Variants in ARHGAP39 observed in about 807,000 individuals in gnomAD.
ARHGAP39 encodes rho GTPase-activating protein 39.
Under a neutral mutation model 106.9 loss-of-function variants are expected in ARHGAP39, and 44 were observed. The observed-to-expected ratio is 0.41, with a 90% confidence interval of 0.32 to 0.53. ARHGAP39 has a LOEUF of 0.53. Among genes scored for constraint, ARHGAP39 ranks in the 20% least tolerant of loss-of-function variants. ARHGAP39 has a pLI of 0.21. For synonymous variants in ARHGAP39, 768 were observed against 693.2 expected, an observed-to-expected ratio of 1.11 and a Z score of -1.69; for missense variants, 1,496 against 1,577.3, an observed-to-expected ratio of 0.95 and a Z score of 0.87.
At chr8:144,592,454 C>T (rs529204249) in intron 2 of ARHGAP39, among the ~76,000 whole-genome samples, 106 of 121,252 alleles carry the variant, frequency 8.7e-4, no homozygotes, top group African/African-American at 3.1e-3. Context: ...CCCAGACCCT[C>T]GGGAAACCTG....
Position 144,585,332 on chromosome 8 carries a change from G to C in ARHGAP39, c.81-4055C>G, listed in dbSNP as rs951697957. The stretch of plus-strand genomic sequence containing the variant: ...CAGAGAACCTGAGGGGCCAGCCAGG[G>C]GTTCCCAGCACCAGCTCACCGAGAA... On this transcript the variant is annotated intron_variant, in intron 2 of 11. Coordinates refer to ENST00000377307, the MANE Select transcript of ARHGAP39 (RefSeq NM_025251.3). This position sits in a 1 kb window ranked among gnomAD's most constrained non-coding sequence, Gnocchi z 4.6. 6.6e-6 allele frequency among the ~76,000 whole-genome samples: 1 copy of C among 151,414 alleles called. No homozygotes were observed. Among genetic ancestry groups the C allele is most frequent in the Non-Finnish European group, 1.5e-5 (1 of 67,846 alleles).
intron 1 of ARHGAP39, among the ~76,000 whole-genome samples, chr8:144,608,340 C>T (rs1477064190): frequency 6.6e-6 from 1 of 152,126 alleles, no homozygotes; most frequent in Non-Finnish European, 1.5e-5. Context: ...CTGAGAGCCA[C>T]CTTGACCAAC....
rs969801640 is a variant in ARHGAP39, at chr8:144,679,987, A to G, written c.-82+5699T>C. Among the ~76,000 whole-genome samples the G allele has an allele frequency of 6.6e-6, 1 of 152,224 alleles. No individual in the cohort carries two copies. The highest frequency in any genetic ancestry group is 1.5e-5 in the Non-Finnish European group (1 of 68,042). Reference sequence around the variant, plus strand: ...AGAGCAAGACTCCATCTCAAAAACAAAAAGAAAATTAAAATCTAAAGCCTT... The same window carrying G: ...AGAGCAAGACTCCATCTCAAAAACAGAAAGAAAATTAAAATCTAAAGCCTT... On this transcript the variant is annotated intron_variant, in intron 1 of 11. Transcript: ENST00000377307. This position sits in a 1 kb window ranked among gnomAD's most constrained non-coding sequence, Gnocchi z 4.7.
At position 144,552,168 on chromosome 8, in the gene ARHGAP39, TCAGG is replaced by T. The variant is rs574491921; in HGVS notation, c.596+3388_596+3391del. ...GTCGTGGCCTCTGAAAATGCTGAAGTCAGGCAGGCAGGGCAGATTTGGTGACAGA... is the reference window on the plus strand; with the variant it reads ...GTCGTGGCCTCTGAAAATGCTGAAGTCAGGCAGGGCAGATTTGGTGACAGA... On this transcript the variant is annotated intron_variant, in intron 4 of 11. Transcript: ENST00000377307. Among the ~76,000 whole-genome samples, 52 of 152,324 alleles carry T rather than the reference TCAGG, an allele frequency of 3.4e-4. 2 individuals carry two copies. In the South Asian group the frequency reaches 0.011, roughly 32 times the overall value.
chr8:144,544,445 A>G (rs559438087), intron 6 of ARHGAP39, among the ~76,000 whole-genome samples: 1 of 152,362 alleles, frequency 6.6e-6, no homozygotes, highest in East Asian at 1.9e-4. Context: ...AGAACAGTCT[A>G]TGGCATGTCT....
chr8:144,543,324 C>A (rs918501404), intron 6 of ARHGAP39, among the ~76,000 whole-genome samples: 1 of 152,136 alleles, frequency 6.6e-6, no homozygotes, highest in Admixed American at 6.5e-5. Context: ...AGGGACACCT[C>A]CTAGGCACAG....
chr8:144,607,235 C>CAAA (rs1167793437), intron 1 of ARHGAP39, among the ~76,000 whole-genome samples: 59 of 50,456 alleles, frequency 1.2e-3, no homozygotes, highest in Middle Eastern at 8.6e-3. Flanking sequence ...GACATTGTCT[C>CAAA]AAAAAAAAAA....
chr8:144,607,668 G>A lies in ARHGAP39; in HGVS notation c.-81-1973C>T, dbSNP rs144310335. Among the ~76,000 whole-genome samples the A allele has an allele frequency of 7.5e-3, 1,136 of 152,304 alleles. 21 individuals are homozygous for A. Among genetic ancestry groups the A allele is most frequent in the Admixed American group, 0.041 (623 of 15,298 alleles). The stretch of plus-strand genomic sequence containing the variant: ...CCCAGAAGAGAGCACAGCAGGTGAC[G>A]GGAAGGGACACTGCAGGCCAATTGG... On this transcript the variant is annotated intron_variant, in intron 1 of 11. Transcript: ENST00000377307.
chr8:144,672,550 G>C (rs1318834864), intron 1 of ARHGAP39, among the ~76,000 whole-genome samples: 2 of 152,196 alleles, frequency 1.3e-5, no homozygotes, highest in Non-Finnish European at 2.9e-5. Flanking sequence ...CAGCACCCTG[G>C]CTGCCAGGAG....
At chr8:144,597,399 C>T (rs375754769) in intron 2 of ARHGAP39, among the ~76,000 whole-genome samples, 3 of 152,098 alleles carry the variant, frequency 2.0e-5, no homozygotes, top group South Asian at 2.1e-4. Flanking sequence ...GGAGGGAGGG[C>T]GGAGGCATCT....
At chr8:144,617,801 AG>A (rs1360825878) in intron 1 of ARHGAP39, among the ~76,000 whole-genome samples, 1 of 151,942 alleles carries the variant, frequency 6.6e-6, no homozygotes, top group Admixed American at 6.6e-5. Flanking sequence ...GCCTTTTTTG[AG>A]GCAGGGTCTT....
chr8:144,584,632 G>A (rs187162118), intron 2 of ARHGAP39, among the ~76,000 whole-genome samples: 5 of 152,238 alleles, frequency 3.3e-5, no homozygotes, highest in East Asian at 3.9e-4. Flanking sequence ...GTGTGGTGGC[G>A]TGCACCTGTA....
At chr8:144,543,904 T>C (rs1218721739) in intron 6 of ARHGAP39, 2 of 152,262 alleles carry the variant, frequency 1.3e-5, no homozygotes, top group South Asian at 2.1e-4. Context: ...GTGGGCTGCA[T>C]GCTGTGCTGA....
chr8:144,605,734 C>A, intron 1 of ARHGAP39, 39 bp from the exon 2 acceptor site: 1 of 924,684 alleles, frequency 1.1e-6, no homozygotes. Context: ...ATATGGAAGA[C>A]GCCTCACCAC....
intron 3 of ARHGAP39, among the ~76,000 whole-genome samples, chr8:144,573,761 G>A (rs1258749775): frequency 1.3e-5 from 2 of 152,028 alleles, no homozygotes; most frequent in Admixed American, 1.3e-4. Context: ...CACAAAGCAA[G>A]TCTCAAAAAA....
Position 144,547,971 on chromosome 8 carries a change from A to G in ARHGAP39, c.1115T>C (p.Val372Ala). Residue 372 changes from valine (V) to alanine (A), a missense_variant, in exon 5 of 12, where the codon GTG (valine) becomes GCG (alanine). Around this residue, in one of 4 missense-constraint regions of ARHGAP39, gnomAD observed 905 missense variants for 816.4 expected, o/e 1.11. Coordinates refer to ENST00000377307, the MANE Select transcript of ARHGAP39 (RefSeq NM_025251.3). This position sits in a 1 kb window ranked among gnomAD's most constrained non-coding sequence, Gnocchi z 5.2. ...QGPPSPCQQL[V>A]LTKQKCPERF... ...CTCGGGACACTTCTGCTTGGTGAGCACCAGCTGCTGGCAGGGCGAGGGGGG... is the reference window on the plus strand; with the variant it reads ...CTCGGGACACTTCTGCTTGGTGAGCGCCAGCTGCTGGCAGGGCGAGGGGGG... 6.2e-7 allele frequency: 1 copy of G among 1,607,204 alleles called. No homozygotes were observed. Among genetic ancestry groups the G allele is most frequent in the Middle Eastern group, 1.7e-4 (1 of 6,058 alleles).
chr8:144,560,975 G>T (rs1818120733), intron 3 of ARHGAP39, among the ~76,000 whole-genome samples: 1 of 152,262 alleles, frequency 6.6e-6, no homozygotes, highest in Non-Finnish European at 1.5e-5. Flanking sequence ...ACTGTTCACT[G>T]ATGGGAAATT....
chr8:144,544,436 G>C (rs535906356), intron 6 of ARHGAP39, among the ~76,000 whole-genome samples: 30 of 152,256 alleles, frequency 2.0e-4, no homozygotes, highest in Non-Finnish European at 3.7e-4. Flanking sequence ...CACTGCCACA[G>C]AACAGTCTAT....
chr8:144,681,509 T>C (rs1822417497), intron 1 of ARHGAP39, among the ~76,000 whole-genome samples: 1 of 152,202 alleles, frequency 6.6e-6, no homozygotes, highest in Non-Finnish European at 1.5e-5. Context: ...GGGGCTTTGC[T>C]AGTAGAAGTA....
Sources: gnomAD v4.1 joint callset for allele counts (sites outside exome capture counted in the v4.1 genomes callset) on GRCh38, gnomAD v4.1.1 for gene constraint, gnomAD v4.1.1 regional missense constraint, Gnocchi (gnomAD v3.1) non-coding constraint, MANE v1.5 for transcripts, NCBI Gene and HGNC (gene_info 2026-07-23, HGNC 2026-07-21) for gene names.